The following PCDHAC1 variants were observed in gnomAD, a reference collection of about 807,000 sequenced individuals.
The protein encoded by PCDHAC1 is protocadherin alpha subfamily C, 1.
A neutral mutation model predicts 60.0 loss-of-function variants in PCDHAC1; 42 were observed. The ratio of observed to expected loss-of-function variants is 0.70; its 90% CI spans 0.55 to 0.90. The LOEUF (loss-of-function observed/expected upper bound fraction) is 0.90, where lower values mean the gene tolerates loss of function less well. PCDHAC1 is among the 40% of genes least tolerant of loss of function. The pLI is 0.00. For missense variants in PCDHAC1, 1,160 were observed against 1,222.3 expected, an observed-to-expected ratio of 0.95 and a Z score of 0.76; for synonymous variants, 468 against 499.3, an observed-to-expected ratio of 0.94 and a Z score of 0.84.
intron 3 of PCDHAC1, among the ~76,000 whole-genome samples, chr5:140,986,213 C>G (rs1554247816): frequency 6.6e-6 from 1 of 152,208 alleles, no homozygotes. Context: ...TTACTGGCCC[C>G]TTTCTCTAGC....
At chr5:140,979,973 A>G (rs782560392) in intron 2 of PCDHAC1, among the ~76,000 whole-genome samples, 9 of 152,230 alleles carry the variant, frequency 5.9e-5, no homozygotes, top group Non-Finnish European at 1.0e-4. Context: ...ATTAAAATGC[A>G]TTAGATTGAA....
intron 1 of PCDHAC1, chr5:140,968,380 C>T: frequency 6.2e-7 from 1 of 1,614,072 alleles, no homozygotes; most frequent in Non-Finnish European, 8.5e-7. Context: ...ACTCCTTTGA[C>T]TATGAGAAGT....
At chr5:140,975,236 T>A (rs562846037) in intron 1 of PCDHAC1, among the ~76,000 whole-genome samples, 84 of 152,334 alleles carry the variant, frequency 5.5e-4, no homozygotes, top group African/African-American at 1.9e-3. Context: ...TCACATGGAA[T>A]CCCTCTTATG....
intron 3 of PCDHAC1, among the ~76,000 whole-genome samples, chr5:141,000,396 T>TCTATAA (rs2097916207): frequency 7.7e-5 from 5 of 65,332 alleles, no homozygotes; most frequent in African/African-American, 3.1e-4. Context: ...TCTCTCTCTC[T>TCTATAA]ATATATATAT....
chr5:141,010,074 G>T lies in PCDHAC1; in HGVS notation c.*137G>T, dbSNP rs1444826216. The stretch of plus-strand genomic sequence containing the variant: ...CTCAGAAATCTGCAGAAAGTTCCCT[G>T]TGTCTGTCTAGAACGCATTTAACAG... On this transcript the variant is annotated 3_prime_UTR_variant, in exon 4 of 4. Coordinates refer to ENST00000253807, the MANE Select transcript of PCDHAC1 (RefSeq NM_018898.5). 6.8e-6 allele frequency: 11 copies of T among 1,607,726 alleles called. No individual in the cohort carries two copies. Among genetic ancestry groups the T allele is most frequent in the Non-Finnish European group, 9.3e-6 (11 of 1,176,762 alleles).
intron 3 of PCDHAC1, among the ~76,000 whole-genome samples, chr5:140,999,602 G>A (rs150839481): frequency 5.1e-4 from 78 of 152,202 alleles, no homozygotes; most frequent in African/African-American, 1.9e-3. Flanking sequence ...CTACATCCTG[G>A]GGGACCTTAT....
chr5:140,966,644 G>A, intron 1 of PCDHAC1: 1 of 1,127,128 alleles, frequency 8.9e-7, no homozygotes, highest in Non-Finnish European at 1.2e-6. Context: ...GCTTTCTAGA[G>A]CGTGAGCGGT....
At chr5:140,961,548 T>G (rs2095620507) in intron 1 of PCDHAC1, among the ~76,000 whole-genome samples, 2 of 152,230 alleles carry the variant, frequency 1.3e-5, no homozygotes, top group Non-Finnish European at 2.9e-5. Flanking sequence ...CCTGCAGCAT[T>G]TCTTTTTTTA....
chr5:141,002,271 T>C (rs942626808), intron 3 of PCDHAC1, among the ~76,000 whole-genome samples: 3 of 152,220 alleles, frequency 2.0e-5, no homozygotes, highest in African/African-American at 7.2e-5. Context: ...CCAGAGCTGG[T>C]AACAAAGGGA....
intron 1 of PCDHAC1, among the ~76,000 whole-genome samples, chr5:140,936,322 A>C (rs1225268806): frequency 2.6e-5 from 4 of 152,196 alleles, no homozygotes; most frequent in Admixed American, 6.5e-5. Context: ...CTGACATGCT[A>C]TAAATTTTCT....
rs1261418178 is a variant in PCDHAC1, at chr5:140,927,156, G to A, written c.264G>A (p.Arg88=). ...REPADREQLC[R]AKAACVLTYD... is the part of the protein sequence containing the mutation. ...CGGCGGACCGCGAACAGCTGTGCAG[G>A]GCCAAAGCTGCCTGCGTCTTGACCT... Residue 88 remains arginine (R), a synonymous_variant, in exon 1 of 4, where the codon AGG becomes AGA. Transcript: ENST00000253807. The A allele has an allele frequency of 6.2e-7, 1 of 1,614,016 alleles. No individual in the cohort carries two copies. The highest frequency in any genetic ancestry group is 1.3e-5 in the African/African-American group (1 of 74,918).
intron 1 of PCDHAC1, chr5:140,968,919 T>C (rs2096279642): frequency 1.2e-6 from 2 of 1,614,116 alleles, no homozygotes; most frequent in South Asian, 1.1e-5. Flanking sequence ...GTGTCTTTTA[T>C]ATTTCTTTTG....
chr5:141,001,529 A>T (rs1344687772), intron 3 of PCDHAC1, among the ~76,000 whole-genome samples: 1 of 152,106 alleles, frequency 6.6e-6, no homozygotes, highest in Non-Finnish European at 1.5e-5. Context: ...TCTCTCTCTG[A>T]TCCTGGACAG....
intron 3 of PCDHAC1, among the ~76,000 whole-genome samples, chr5:141,000,648 G>A (rs559996046): frequency 8.9e-4 from 134 of 150,894 alleles, no homozygotes; most frequent in African/African-American, 2.6e-3. Flanking sequence ...GGCTGGTCTC[G>A]AACTCCTGAC....
chr5:140,928,851 T>G lies in PCDHAC1; in HGVS notation c.1959T>G (p.Gly653=), dbSNP rs1554206396. 1 of 1,614,192 alleles carries G rather than the reference T, an allele frequency of 6.2e-7. No homozygotes were observed. Among genetic ancestry groups the G allele is most frequent in the Non-Finnish European group, 8.5e-7 (1 of 1,180,048 alleles). ...CACTTTCCTCCTCTGTCACTCTGGG[T>G]GTGCTGTTGAGCAACTCTGTCCCTC... is the stretch of plus-strand genomic sequence containing the variant. The part of the protein sequence containing the change: ...DPPLSSSVTL[G]VLLSNSVPQL... Residue 653 remains glycine, a synonymous_variant, in exon 1 of 4, where the codon GGT becomes GGG. Coordinates refer to ENST00000253807, the MANE Select transcript of PCDHAC1 (RefSeq NM_018898.5).
At position 140,927,644 on chromosome 5, in the gene PCDHAC1, T is replaced by C. The variant is rs370145398; in HGVS notation, c.752T>C (p.Val251Ala). The change falls in exon 1 of 4, where the codon GTG becomes GCG. Residue 251 changes from valine to alanine, a missense_variant. Val to Ala is a moderately conservative substitution (Grantham distance 64). Coordinates refer to ENST00000253807, the MANE Select transcript of PCDHAC1 (RefSeq NM_018898.5). ...KVPETAPNGTVLFRVQALDPD... is the reference protein window; with the variant it reads ...KVPETAPNGTALFRVQALDPD... The stretch of plus-strand genomic sequence containing the variant: ...CCAGAGACTGCACCCAATGGGACTG[T>C]GTTATTCCGAGTTCAAGCCTTGGAT... The C allele has an allele frequency of 4.6e-5, 74 of 1,614,028 alleles. 1 individual carries two copies. Among genetic ancestry groups the C allele is most frequent in the Non-Finnish European group, 5.8e-5 (68 of 1,180,020 alleles).
At chr5:140,984,945 C>CA (rs1307962082) in intron 3 of PCDHAC1, among the ~76,000 whole-genome samples, 2 of 149,212 alleles carry the variant, frequency 1.3e-5, no homozygotes, top group African/African-American at 4.9e-5. Flanking sequence ...AATGTCTAAT[C>CA]TTTTTTTTTT....
intron 1 of PCDHAC1, among the ~76,000 whole-genome samples, chr5:140,944,853 C>G (rs1230548858): frequency 6.6e-6 from 1 of 152,118 alleles, no homozygotes; most frequent in Non-Finnish European, 1.5e-5. Context: ...TTAGAATCAT[C>G]CTTATTTATC....
At chr5:140,930,993 C>T (rs1275430453) in intron 1 of PCDHAC1, among the ~76,000 whole-genome samples, 1 of 152,140 alleles carries the variant, frequency 6.6e-6, no homozygotes, top group African/African-American at 2.4e-5. Flanking sequence ...TCATGACCTA[C>T]ACTAATAACA....
Sources: allele counts gnomAD v4.1 joint callset (sites outside exome capture counted in the v4.1 genomes callset), GRCh38; gene constraint gnomAD v4.1.1; transcripts MANE v1.5; gene names NCBI Gene and HGNC (gene_info 2026-07-23, HGNC 2026-07-21).